Variants in NIBAN3 observed in about 807,000 individuals in gnomAD.
The protein encoded by NIBAN3 is protein Niban 3.
Under a neutral mutation model 76.4 loss-of-function variants are expected in NIBAN3, and 66 were observed. The ratio of observed to expected loss-of-function variants is 0.86; its 90% CI spans 0.71 to 1.06. The LOEUF is 1.06. Ranked by LOEUF, NIBAN3 falls within the 50% of genes least tolerant of loss-of-function variation. The probability of loss-of-function intolerance (pLI) is 0.00; values close to 1 mark genes in which losing one functional copy is unlikely to be tolerated. For synonymous variants in NIBAN3, 360 were observed against 355.2 expected (o/e 1.01, Z -0.15); for missense variants, 808 against 810.7 (o/e 1.00, Z 0.04).
At chr19:17,540,208 C>G (rs2075920186) in intron 8 of NIBAN3, 184 bp from the exon 9 acceptor site, 1 of 449,514 alleles carries the variant, frequency 2.2e-6, no homozygotes, top group Non-Finnish European at 3.9e-6. Context: ...GTGGCCCCTA[C>G]AAAGACCCAG....
rs1264691672 is a variant in NIBAN3 at position 17,551,836 on chromosome 19, G to A, written c.1801G>A (p.Asp601Asn). 1 of 780,458 alleles carries A rather than the reference G, an allele frequency of 1.3e-6. No homozygotes were observed. Among genetic ancestry groups the A allele is most frequent in the South Asian group, 1.3e-5 (1 of 74,594 alleles). 48.3% of individuals were successfully genotyped at this position (780,458 alleles called of 1,614,324 possible). A position where few individuals can be genotyped will look rare whatever the true frequency, so the allele number is the denominator to read the frequency against. The change falls in exon 15 of 15, where the codon GAC (aspartate) becomes AAC (asparagine). Residue 601 changes from aspartate (D) to asparagine (N), a missense_variant. Transcript: ENST00000599164. Reference protein sequence around the residue: ...REGGACPRQPDSGAQIQPLCP... With the variant: ...REGGACPRQPNSGAQIQPLCP... Reference sequence around the variant, plus strand: ...AGGAGGGGCTTGTCCCAGGCAGCCAGACTCTGGTGCCCAGATCCAGCCACT... The same window carrying A: ...AGGAGGGGCTTGTCCCAGGCAGCCAAACTCTGGTGCCCAGATCCAGCCACT...
chr19:17,549,146 A>G (rs1299854055), intron 13 of NIBAN3, among the ~76,000 whole-genome samples: 3 of 152,160 alleles, frequency 2.0e-5, no homozygotes, highest in Non-Finnish European at 4.4e-5. Flanking sequence ...GTTGACCTCA[A>G]TAAGTTTCTC....
chr19:17,527,820 T>A (rs1308854067), intron 1 of NIBAN3, among the ~76,000 whole-genome samples: 1 of 151,636 alleles, frequency 6.6e-6, no homozygotes, highest in East Asian at 1.9e-4. Context: ...TCAGCCCGAA[T>A]AGCTGGGACC....
Position 17,539,382 on chromosome 19 carries a change from C to T in NIBAN3, c.747C>T (p.Pro249=), listed in dbSNP as rs2144724435. ...LTAVLMREQL[P]ALRAQTLPGL... is the part of the protein sequence containing the mutation. ...CGGTGCTGATGCGGGAGCAACTTCCCGCGCTGCGAGCCCAGACCCTTCCTG... is the reference window on the plus strand; with the variant it reads ...CGGTGCTGATGCGGGAGCAACTTCCTGCGCTGCGAGCCCAGACCCTTCCTG... The change falls in exon 7 of 15, where the codon CCC becomes CCT. Residue 249 remains proline, a synonymous_variant. Transcript: ENST00000599164. The T allele has an allele frequency of 6.5e-7, 1 of 1,541,526 alleles. No homozygotes were observed. Among genetic ancestry groups the T allele is most frequent in the Non-Finnish European group, 8.7e-7 (1 of 1,146,202 alleles).
chr19:17,539,523 C>G, intron 7 of NIBAN3, 72 bp downstream of exon 7: 1 of 1,463,842 alleles, frequency 6.8e-7, no homozygotes, highest in East Asian at 2.5e-5. Context: ...ACGACTGTCG[C>G]CTAAACCCTC....
At chr19:17,526,980 T>G (rs1003457121), upstream of NIBAN3, among the ~76,000 whole-genome samples, 1 of 152,020 alleles carries the variant, frequency 6.6e-6, no homozygotes, top group African/African-American at 2.4e-5. Context: ...CACCAGGAAC[T>G]AGATGCCGCA....
At chr19:17,534,512 C>A (rs535162339) in intron 4 of NIBAN3, among the ~76,000 whole-genome samples, 3 of 151,880 alleles carry the variant, frequency 2.0e-5, no homozygotes, top group African/African-American at 7.2e-5. Context: ...AAAAGGTAGG[C>A]CGGGCGTGGT....
rs774472803 is a variant in NIBAN3, at chr19:17,537,547, G to A, written c.595+4G>A. ...GGCATCCGGCTTCAGGGCATAGGTGGGTCTCAGGACGGGTCAGACATTTGT... is the reference window on the plus strand; with the variant it reads ...GGCATCCGGCTTCAGGGCATAGGTGAGTCTCAGGACGGGTCAGACATTTGT... On this transcript the variant is annotated splice_donor_region_variant and intron_variant, in intron 5 of 14. Transcript: ENST00000599164. The A allele has an allele frequency of 3.2e-6, 5 of 1,584,710 alleles. No individual in the cohort carries two copies. The East Asian group carries it at 1.1e-4, about 35-fold the overall frequency.
At chr19:17,543,903 A>C (rs2076002287) in intron 12 of NIBAN3, 1 of 247,530 alleles carries the variant, frequency 4.0e-6, no homozygotes. Flanking sequence ...GAAGCAGGAA[A>C]ATCGCTTGAA....
At chr19:17,549,738 A>G in intron 14 of NIBAN3, 1 of 625,052 alleles carries the variant, frequency 1.6e-6, no homozygotes, top group Non-Finnish European at 2.9e-6. Context: ...GGGACCCTCT[A>G]AACCCAGGCT....
At chr19:17,537,329 C>T (rs1388649666) in intron 4 of NIBAN3, 47 bp from the exon 5 acceptor site, 19 of 1,582,726 alleles carry the variant, frequency 1.2e-5, no homozygotes, top group Non-Finnish European at 1.6e-5. Context: ...GGTATTTTCT[C>T]CTAGTGAATG....
At chr19:17,533,837 C>A in intron 4 of NIBAN3, 136 bp downstream of exon 4, 1 of 661,142 alleles carries the variant, frequency 1.5e-6, no homozygotes, top group Non-Finnish European at 2.6e-6. Flanking sequence ...TCCACCCACT[C>A]CCTGCCTGCA....
intron 5 of NIBAN3, 109 bp downstream of exon 5, chr19:17,537,652 A>C: frequency 8.5e-7 from 1 of 1,177,296 alleles, no homozygotes; most frequent in Non-Finnish European, 1.2e-6. Context: ...TTACCCAGAA[A>C]ATGGGTTTTT....
At chr19:17,550,132 C>G (rs75729199) in intron 14 of NIBAN3, among the ~76,000 whole-genome samples, 5,748 of 152,186 alleles carry the variant, frequency 0.038, 141 homozygotes, top group South Asian at 0.083. Context: ...TGTATCCCAT[C>G]TCTAATCCTA....
intron 4 of NIBAN3, among the ~76,000 whole-genome samples, chr19:17,534,581 G>A (rs536522690): frequency 3.5e-4 from 53 of 152,168 alleles, no homozygotes; most frequent in African/African-American, 1.3e-3. Flanking sequence ...CATGAAGTCA[G>A]GAGATCAAGA....
Position 17,543,428 on chromosome 19 carries a change from C to T in NIBAN3, c.1441C>T (p.Leu481=). The stretch of plus-strand genomic sequence containing the variant: ...GCTGGAGAGAGTCAGGGGGCGCGTG[C>T]TGAAGGTGTGTTCTGTGGGTACGGG... ...QRLERVRGRV[L]KKFKSDSGLA... Residue 481 remains leucine (L), a synonymous_variant, in exon 11 of 15, where the codon CTG becomes TTG. Coordinates refer to ENST00000599164, the MANE Select transcript of NIBAN3 (RefSeq NM_001321827.2). 6.2e-7 allele frequency: 1 copy of T among 1,613,490 alleles called. No individual in the cohort carries two copies. Among genetic ancestry groups the T allele is most frequent in the Non-Finnish European group, 8.5e-7 (1 of 1,179,492 alleles).
At chr19:17,526,063 G>T (rs1225699347), upstream of NIBAN3, among the ~76,000 whole-genome samples, 1 of 149,772 alleles carries the variant, frequency 6.7e-6, no homozygotes, top group Non-Finnish European at 1.5e-5. Context: ...AAAAAAAAAA[G>T]AACACTTTAG....
chr19:17,524,186 C>T (rs2075583544), upstream of NIBAN3, among the ~76,000 whole-genome samples: 1 of 151,786 alleles, frequency 6.6e-6, no homozygotes. Flanking sequence ...CCACTGCGCC[C>T]AACTCCTCGC....
At chr19:17,543,728 C>T (rs2075999121) in intron 12 of NIBAN3, 97 bp downstream of exon 12, 1 of 1,058,620 alleles carries the variant, frequency 9.4e-7, no homozygotes. Context: ...CGCAGTGGCT[C>T]ATGCCTGTAA....
Sources: gnomAD v4.1 joint callset for allele counts (sites outside exome capture counted in the v4.1 genomes callset) on GRCh38, gnomAD v4.1.1 for gene constraint, MANE v1.5 for transcripts, NCBI Gene and HGNC (gene_info 2026-07-23, HGNC 2026-07-21) for gene names.